The following SLC44A5 variants were observed in gnomAD, a reference collection of about 807,000 sequenced individuals.
SLC44A5 encodes choline transporter-like protein 5.
A neutral mutation model predicts 101.8 loss-of-function variants in SLC44A5; 57 were observed. That is an observed-to-expected ratio of 0.56 (90% CI 0.45 to 0.70). The LOEUF (loss-of-function observed/expected upper bound fraction) is 0.70. Among genes scored for constraint, SLC44A5 ranks in the 30% least tolerant of loss-of-function variants. SLC44A5 has a pLI of 0.00. For synonymous variants in SLC44A5, 281 were observed against 290.9 expected (o/e 0.97, Z 0.35); for missense variants, 737 against 853.1 (o/e 0.86, Z 1.70).
the SLC44A5 span, chr1:75,642,234 A>T: frequency 1.9e-6 from 1 of 537,312 alleles, no homozygotes. Flanking sequence ...ATCACTTGAT[A>T]TTATGATGAC....
At chr1:75,603,107 G>A (rs1034050149) in intron 1 of SLC44A5, among the ~76,000 whole-genome samples, 8 of 151,912 alleles carry the variant, frequency 5.3e-5, no homozygotes, top group African/African-American at 1.5e-4. Context: ...GTACCCCACA[G>A]TTCATTTGTC....
intron 2 of SLC44A5, among the ~76,000 whole-genome samples, chr1:75,471,392 CACACACACACACACACGT>C (rs1459909980): frequency 1.3e-5 from 2 of 151,754 alleles, no homozygotes; most frequent in East Asian, 1.9e-4. Context: ...AACACACACA[CACACACACACACACACGT>C]ACACACACAC....
chr1:75,583,841 G>A (rs535252453), intron 1 of SLC44A5, among the ~76,000 whole-genome samples: 2 of 152,280 alleles, frequency 1.3e-5, no homozygotes, highest in South Asian at 2.1e-4. Context: ...GGTGAGGGAA[G>A]CATCTGCCTC....
At chr1:75,357,258 G>A (rs554966101) in intron 3 of SLC44A5, 3 of 455,150 alleles carry the variant, frequency 6.6e-6, no homozygotes, top group East Asian at 7.0e-5. Context: ...CCTGTATATC[G>A]TCACTAAAAG....
chr1:75,645,952 T>C, the SLC44A5 span, among the ~76,000 whole-genome samples: 2 of 133,696 alleles, frequency 1.5e-5, no homozygotes, highest in Non-Finnish European at 3.3e-5. Context: ...AGATGTGTGT[T>C]ATTATTTCTG....
chr1:75,424,122 A>C (rs1024563368), intron 2 of SLC44A5, among the ~76,000 whole-genome samples: 1 of 152,236 alleles, frequency 6.6e-6, no homozygotes, highest in Non-Finnish European at 1.5e-5. Flanking sequence ...ATTTGTGCTC[A>C]GCCTGCAGAG....
chr1:75,589,796 T>C (rs1490834593), intron 1 of SLC44A5, among the ~76,000 whole-genome samples: 1 of 152,146 alleles, frequency 6.6e-6, no homozygotes, highest in Non-Finnish European at 1.5e-5. Flanking sequence ...AACTCAGTGA[T>C]GTTCTGTGAG....
chr1:75,211,876 C>CCCTT (rs536011376), intron 22 of SLC44A5, among the ~76,000 whole-genome samples: 4 of 145,874 alleles, frequency 2.7e-5, no homozygotes, highest in African/African-American at 5.1e-5. Flanking sequence ...TTCCCTTCCT[C>CCCTT]CCTTCCTTCC....
intron 6 of SLC44A5, among the ~76,000 whole-genome samples, chr1:75,255,438 G>C (rs1649935499): frequency 1.2e-5 from 1 of 82,512 alleles, no homozygotes; most frequent in African/African-American, 3.7e-5. Flanking sequence ...AAATATAATT[G>C]CCAAAACAAA....
intron 2 of SLC44A5, among the ~76,000 whole-genome samples, chr1:75,522,783 G>A (rs1028076781): frequency 6.6e-6 from 1 of 152,156 alleles, no homozygotes; most frequent in Admixed American, 6.5e-5. Flanking sequence ...TTCTTTCTGT[G>A]ACTTAAATTG....
intron 2 of SLC44A5, among the ~76,000 whole-genome samples, chr1:75,527,151 A>G (rs530800875): frequency 7.0e-6 from 1 of 142,186 alleles, no homozygotes; most frequent in East Asian, 1.9e-4. Context: ...AAAGAAAAAA[A>G]AAAGAAAAGA....
At chr1:75,475,829 G>C (rs1292954861) in intron 2 of SLC44A5, among the ~76,000 whole-genome samples, 1 of 152,162 alleles carries the variant, frequency 6.6e-6, no homozygotes, top group South Asian at 2.1e-4. Context: ...ATGTGATGGT[G>C]GTGAACTTAT....
chr1:75,241,610 C>T (rs1004030885), intron 9 of SLC44A5, among the ~76,000 whole-genome samples: 1 of 151,998 alleles, frequency 6.6e-6, no homozygotes, highest in African/African-American at 2.4e-5. Context: ...GTGATAAAGA[C>T]AAGTATATGT....
chr1:75,559,887 G>A (rs1185147509), intron 1 of SLC44A5, among the ~76,000 whole-genome samples: 3 of 152,152 alleles, frequency 2.0e-5, no homozygotes, highest in East Asian at 1.9e-4. Flanking sequence ...GATTGGAAGA[G>A]ACATTTATCC....
rs572782978 is a variant in SLC44A5 at position 75,516,237 on chromosome 1, G to C, written c.13+25198C>G. On this transcript the variant is annotated intron_variant, in intron 2 of 23. Coordinates refer to ENST00000370859, the MANE Select transcript of SLC44A5 (RefSeq NM_001130058.2). ...TTCCCATAGATAATAAACACAGGCCGGGCGCGGTGGCTCACGCCTGTAATC... is the reference window on the plus strand; with the variant it reads ...TTCCCATAGATAATAAACACAGGCCCGGCGCGGTGGCTCACGCCTGTAATC... Among the ~76,000 whole-genome samples the C allele has an allele frequency of 3.9e-5, 6 of 152,274 alleles. No homozygotes were observed. The South Asian group carries it at 1.2e-3, about 32-fold the overall frequency.
At chr1:75,330,459 T>C (rs1159659390) in intron 4 of SLC44A5, among the ~76,000 whole-genome samples, 1 of 152,156 alleles carries the variant, frequency 6.6e-6, no homozygotes, top group Non-Finnish European at 1.5e-5. Flanking sequence ...ATCTGTAACA[T>C]ATTCCTTGCT....
At chr1:75,371,180 C>G (rs948855067) in intron 3 of SLC44A5, among the ~76,000 whole-genome samples, 1 of 152,180 alleles carries the variant, frequency 6.6e-6, no homozygotes, top group African/African-American at 2.4e-5. Context: ...TATACATTCA[C>G]CCCATTTGCG....
intron 1 of SLC44A5, among the ~76,000 whole-genome samples, chr1:75,560,199 G>A (rs182412): frequency 6.6e-6 from 1 of 152,154 alleles, no homozygotes; most frequent in Non-Finnish European, 1.5e-5. Context: ...CAAGAGAAAT[G>A]AAAATATATA....
the SLC44A5 span, among the ~76,000 whole-genome samples, chr1:75,635,481 A>C: frequency 1.3e-5 from 2 of 152,028 alleles, no homozygotes; most frequent in East Asian, 3.9e-4. Flanking sequence ...ATGCAGCCAT[A>C]AAAAATGATG....
Sources: gnomAD v4.1 joint callset for allele counts (sites outside exome capture counted in the v4.1 genomes callset) on GRCh38, gnomAD v4.1.1 for gene constraint, MANE v1.5 for transcripts, NCBI Gene and HGNC (gene_info 2026-07-23, HGNC 2026-07-21) for gene names.